Variants in IL36B observed in about 807,000 individuals in gnomAD.
IL36B encodes interleukin-36 beta.
IL36B carries 23 observed loss-of-function variants against 19.3 expected under a neutral mutation model. The observed-to-expected ratio is 1.19, with a 90% CI of 0.86 to 1.69. The LOEUF (loss-of-function observed/expected upper bound fraction) is 1.69, where lower values mean the gene tolerates loss of function less well. IL36B is among the 40% of genes most tolerant of loss of function. The probability of loss-of-function intolerance (pLI) is 0.00; values close to 1 mark genes in which losing one functional copy is unlikely to be tolerated. For synonymous variants in IL36B, 59 were observed against 59.7 expected (o/e 0.99, Z 0.05); for missense variants, 217 against 200.5 (o/e 1.08, Z -0.50).
rs1448964288 is a variant in IL36B, at chr2:113,035,510, AAAT to A, written c.-57-3747_-57-3745del. On this transcript the variant is annotated intron_variant, in intron 1 of 5. Transcript: ENST00000259213. ...TCTTGAGAAGCTCTTCTGAAAAAAA[AAAT>A]AATAATAGCAACAAGAAAGTTGTGA... Among the ~76,000 whole-genome samples the A allele has an allele frequency of 3.3e-5, 5 of 152,170 alleles. No homozygotes were observed. In the East Asian group the frequency reaches 5.8e-4, roughly 18 times the overall value.
chr2:113,038,596 A>G (rs1406718525), intron 1 of IL36B, among the ~76,000 whole-genome samples: 1 of 152,182 alleles, frequency 6.6e-6, no homozygotes, highest in Admixed American at 6.5e-5. Flanking sequence ...TCTGGGTGAC[A>G]TCCCCAAGTC....
At chr2:113,038,477 T>C (rs1204592566) in intron 1 of IL36B, among the ~76,000 whole-genome samples, 3 of 152,246 alleles carry the variant, frequency 2.0e-5, no homozygotes, top group Admixed American at 1.3e-4. Context: ...GCTTCCTCTT[T>C]AGAAGGTCCA....
chr2:113,035,041 A>T (rs1573370916), intron 1 of IL36B, among the ~76,000 whole-genome samples: 1 of 152,232 alleles, frequency 6.6e-6, no homozygotes, highest in East Asian at 1.9e-4. Flanking sequence ...TCCTTGGAAG[A>T]ACTTGGCAGA....
In IL36B at chr2:113,031,301, A is replaced by G. The variant is rs922088114; in HGVS notation, c.14-146T>C. The G allele has an allele frequency of 1.5e-5, 10 of 656,298 alleles. No individual in the cohort carries two copies. The South Asian group carries it at 1.6e-4, about 10-fold the overall frequency. 40.7% of individuals were successfully genotyped at this position (656,298 alleles called of 1,614,324 possible). On this transcript the variant is annotated intron_variant, in intron 2 of 5. Coordinates refer to ENST00000259213, the MANE Select transcript of IL36B (RefSeq NM_014438.5). ...TGGCTATAACGATAAATGGAGGGGA[A>G]ATAGGGCAGGGACTAGTTTGTGAAT...
At chr2:113,037,191 G>A (rs879581060) in intron 1 of IL36B, among the ~76,000 whole-genome samples, 3 of 152,210 alleles carry the variant, frequency 2.0e-5, no homozygotes, top group Non-Finnish European at 4.4e-5. Flanking sequence ...ACGAGGCTGT[G>A]TGTCCACCTA....
chr2:113,022,203 CAG>C lies in IL36B; in HGVS notation c.*469_*470del, dbSNP rs1482043031. 6.5e-6 allele frequency: 1 copy of C among 153,022 alleles called. No individual in the cohort carries two copies. The highest frequency in any genetic ancestry group is 1.5e-5 in the Non-Finnish European group (1 of 68,666). 9.5% of individuals were successfully genotyped at this position (153,022 alleles called of 1,614,324 possible). ...TTCCTTTTAAGTTATACATACTAAA[CAG>C]AGCGTTTCACTCCTCATGCTCTAGT... On this transcript the variant is annotated 3_prime_UTR_variant, in exon 6 of 6. Coordinates refer to ENST00000259213, the MANE Select transcript of IL36B (RefSeq NM_014438.5).
At chr2:113,047,243 C>T (rs1271457789) in intron 1 of IL36B, among the ~76,000 whole-genome samples, 22 of 152,068 alleles carry the variant, frequency 1.4e-4, no homozygotes, top group Non-Finnish European at 3.2e-4. Flanking sequence ...TTTCTGTGCC[C>T]GTCCCAAATT....
chr2:113,026,127 G>A lies in IL36B; in HGVS notation c.367C>T (p.Leu123Phe). 1 of 1,613,820 alleles carries A rather than the reference G, an allele frequency of 6.2e-7. No individual in the cohort carries two copies. The highest frequency in any genetic ancestry group is 8.5e-7 in the Non-Finnish European group (1 of 1,179,778). Residue 123 changes from leucine to phenylalanine, a missense_variant, in exon 5 of 6, where the codon CTT becomes TTT. By Grantham distance (22) the Leu-to-Phe change is conservative. Transcript: ENST00000259213. ...CCCACTCCTATTCCCCATTGGTCAA[G>A]GGTTCCCATGAAGCAGCTCTCTCTC...
intron 3 of IL36B, among the ~76,000 whole-genome samples, chr2:113,029,644 T>C (rs932686619): frequency 1.3e-5 from 2 of 152,200 alleles, no homozygotes; most frequent in African/African-American, 4.8e-5. Context: ...GACAGATCAA[T>C]AGTCCCACTT....
At chr2:113,033,945 G>A (rs72944561) in intron 1 of IL36B, among the ~76,000 whole-genome samples, 5 of 152,132 alleles carry the variant, frequency 3.3e-5, no homozygotes, top group African/African-American at 1.2e-4. Flanking sequence ...TTCTGCTCTT[G>A]GAAATCCACC....
chr2:113,028,017 G>A (rs1205830111), intron 4 of IL36B: 1 of 1,614,146 alleles, frequency 6.2e-7, no homozygotes, highest in Admixed American at 1.7e-5. Flanking sequence ...CAGGGTAAGA[G>A]ACTGACTGAA....
At chr2:113,034,028 A>C (rs1216971041) in intron 1 of IL36B, among the ~76,000 whole-genome samples, 3 of 152,152 alleles carry the variant, frequency 2.0e-5, no homozygotes. Flanking sequence ...TCAGATGTCC[A>C]CCTAGCAGTG....
intron 1 of IL36B, among the ~76,000 whole-genome samples, chr2:113,050,734 A>G (rs924567679): frequency 6.6e-6 from 1 of 152,222 alleles, no homozygotes; most frequent in African/African-American, 2.4e-5. Flanking sequence ...TAATAATAAT[A>G]AAAAAAGATA....
chr2:113,028,376 G>A (rs963065036), intron 4 of IL36B, among the ~76,000 whole-genome samples: 1 of 152,186 alleles, frequency 6.6e-6, no homozygotes, highest in African/African-American at 2.4e-5. Context: ...GGAACAGAGG[G>A]AGGTTGAAAT....
intron 1 of IL36B, among the ~76,000 whole-genome samples, chr2:113,042,066 G>T (rs898756412): frequency 3.9e-5 from 6 of 152,270 alleles, no homozygotes; most frequent in South Asian, 2.1e-4. Context: ...CACCTCATAA[G>T]GACAACCACT....
chr2:113,035,248 G>C (rs921428097), intron 1 of IL36B, among the ~76,000 whole-genome samples: 1 of 152,170 alleles, frequency 6.6e-6, no homozygotes, highest in African/African-American at 2.4e-5. Context: ...GGTCCTGAGA[G>C]TGCTTAATGA....
intron 1 of IL36B, among the ~76,000 whole-genome samples, chr2:113,047,785 A>C (rs1685373315): frequency 6.6e-6 from 1 of 152,106 alleles, no homozygotes; most frequent in Admixed American, 6.6e-5. Flanking sequence ...GTAGACTTAA[A>C]GTGGTATAAA....
chr2:113,040,315 A>G (rs1685232739), intron 1 of IL36B, among the ~76,000 whole-genome samples: 1 of 152,252 alleles, frequency 6.6e-6, no homozygotes, highest in African/African-American at 2.4e-5. Context: ...TAATGGTGAA[A>G]GAATTGATTT....
intron 1 of IL36B, among the ~76,000 whole-genome samples, chr2:113,048,542 G>A (rs1685387060): frequency 6.6e-6 from 1 of 152,126 alleles, no homozygotes; most frequent in Admixed American, 6.5e-5. Flanking sequence ...AAAGAAGAAA[G>A]ACGTCAAATT....
Sources: gnomAD v4.1 joint callset for allele counts (sites outside exome capture counted in the v4.1 genomes callset) on GRCh38, gnomAD v4.1.1 for gene constraint, MANE v1.5 for transcripts, NCBI Gene and HGNC (gene_info 2026-07-23, HGNC 2026-07-21) for gene names.